The following EYS variants were observed in gnomAD, a reference collection of about 807,000 sequenced individuals.
EYS encodes protein eyes shut homolog.
EYS carries 250 observed loss-of-function variants against 282.1 expected under a neutral mutation model. The ratio of observed to expected loss-of-function variants is 0.89; its 90% CI spans 0.80 to 0.98. The LOEUF (loss-of-function observed/expected upper bound fraction) is 0.98, where lower values mean the gene tolerates loss of function less well. Ranked by LOEUF, EYS falls within the 50% of genes least tolerant of loss-of-function variation. The probability of loss-of-function intolerance (pLI) is 0.00; values close to 1 mark genes in which losing one functional copy is unlikely to be tolerated. For synonymous variants in EYS, 1,355 were observed against 1,282.9 expected (o/e 1.06, Z -1.20); for missense variants, 4,016 against 3,709.0 (o/e 1.08, Z -2.15).
chr6:64,755,500 AC>A (rs1772905871), intron 22 of EYS, among the ~76,000 whole-genome samples: 7 of 2,624 alleles, frequency 2.7e-3, no homozygotes, highest in African/African-American at 5.0e-3. Flanking sequence ...ACATACATAC[AC>A]ACACACACAC....
At position 65,565,151 on chromosome 6, in the gene EYS, G is replaced by A. The variant is rs529651737; in HGVS notation, c.-332-69158C>T. Among the ~76,000 whole-genome samples, 4 of 49,550 alleles carry A rather than the reference G, an allele frequency of 8.1e-5. 1 individual carries two copies. The highest frequency in any genetic ancestry group is 1.2e-4 in the Non-Finnish European group (4 of 32,452). 32.5% of individuals were successfully genotyped at this position (49,550 alleles called of 152,430 possible). On this transcript the variant is annotated intron_variant, in intron 2 of 42. Coordinates refer to ENST00000503581, the MANE Select transcript of EYS (RefSeq NM_001142800.2). ...TCCCAGCTACTTGGGAGGCTGAGGC[G>A]GGAGAATGGCGTGAACCCGGGAGGC...
intron 26 of EYS, among the ~76,000 whole-genome samples, chr6:64,536,430 TAC>T (rs1314082883): frequency 6.6e-6 from 1 of 152,270 alleles, no homozygotes; most frequent in African/African-American, 2.4e-5. Context: ...TGACGACAAT[TAC>T]AGGTACTCTC....
intron 2 of EYS, among the ~76,000 whole-genome samples, chr6:65,585,511 T>A (rs1264033052): frequency 6.6e-6 from 1 of 151,944 alleles, no homozygotes; most frequent in Non-Finnish European, 1.5e-5. Context: ...AACTGAATTA[T>A]TATTCATGTA....
chr6:64,008,120 C>T lies in EYS; in HGVS notation c.6726-8937G>A, dbSNP rs1027627572. On this transcript the variant is annotated intron_variant, in intron 33 of 42. Transcript: ENST00000503581. ...TGTTGTATGGTTATCTAAAATTCTT[C>T]ATAGGTCTCTAAGAACTTGCTTGAT... 4.6e-5 allele frequency among the ~76,000 whole-genome samples: 7 copies of T among 152,146 alleles called. No homozygotes were observed. The East Asian group carries it at 1.3e-3, about 29-fold the overall frequency.
intron 20 of EYS, 151 bp downstream of exon 20, chr6:64,822,500 T>G (rs1764927851): frequency 1.6e-6 from 1 of 631,302 alleles, no homozygotes; most frequent in Admixed American, 3.5e-5. Flanking sequence ...TAGCTAAAAC[T>G]GGCAGCATCT....
chr6:65,634,726 T>C (rs1422754161), intron 2 of EYS, among the ~76,000 whole-genome samples: 1 of 152,206 alleles, frequency 6.6e-6, no homozygotes, highest in African/African-American at 2.4e-5. Context: ...CTCTGTCATC[T>C]ACATTCCATA....
intron 5 of EYS, among the ~76,000 whole-genome samples, chr6:65,415,893 T>C (rs922654698): frequency 6.6e-6 from 1 of 152,026 alleles, no homozygotes; most frequent in Non-Finnish European, 1.5e-5. Context: ...AATTAGTGAA[T>C]ATATGAGACC....
chr6:63,854,580 C>G (rs376245803), intron 36 of EYS, among the ~76,000 whole-genome samples: 1 of 152,098 alleles, frequency 6.6e-6, no homozygotes, highest in East Asian at 1.9e-4. Context: ...TGTAACAAAC[C>G]TGCATGTTCT....
chr6:65,490,438 T>C (rs1203455534), intron 5 of EYS, 156 bp downstream of exon 5: 1 of 556,644 alleles, frequency 1.8e-6, no homozygotes, highest in South Asian at 2.7e-5. Context: ...ATTAACCAAA[T>C]TGATTTATTA....
intron 12 of EYS, among the ~76,000 whole-genome samples, chr6:65,129,185 A>C (rs1222151006): frequency 6.6e-6 from 1 of 152,060 alleles, no homozygotes; most frequent in Non-Finnish European, 1.5e-5. Context: ...TTAAATAAAG[A>C]CTTAAATGTA....
intron 16 of EYS, among the ~76,000 whole-genome samples, chr6:64,906,016 C>G (rs1399757218): frequency 6.6e-6 from 1 of 151,092 alleles, no homozygotes; most frequent in African/African-American, 2.4e-5. Context: ...ATTAAATAAT[C>G]TAATTTCTCT....
At chr6:65,572,663 T>C (rs1764519420) in intron 2 of EYS, among the ~76,000 whole-genome samples, 1 of 152,154 alleles carries the variant, frequency 6.6e-6, no homozygotes, top group African/African-American at 2.4e-5. Context: ...AGGTATGTAG[T>C]AGTCAGTACC....
At chr6:63,789,577 A>C in intron 37 of EYS, among the ~76,000 whole-genome samples, 1 of 152,258 alleles carries the variant, frequency 6.6e-6, no homozygotes, top group East Asian at 1.9e-4. Context: ...TTGCTCCGGT[A>C]GCTAACGAGA....
intron 12 of EYS, among the ~76,000 whole-genome samples, chr6:65,090,417 CT>C (rs1301917753): frequency 6.6e-6 from 1 of 152,100 alleles, no homozygotes; most frequent in Non-Finnish European, 1.5e-5. Flanking sequence ...TCAATTAAAA[CT>C]TTTTTCTTTA....
chr6:64,481,238 G>A (rs1776427669), intron 26 of EYS, among the ~76,000 whole-genome samples: 1 of 145,070 alleles, frequency 6.9e-6, no homozygotes, highest in Non-Finnish European at 1.5e-5. Flanking sequence ...ATATGTGTTT[G>A]TATATATACA....
chr6:65,333,509 C>T (rs1221280461), intron 11 of EYS, among the ~76,000 whole-genome samples: 1 of 151,600 alleles, frequency 6.6e-6, no homozygotes, highest in Admixed American at 6.6e-5. Flanking sequence ...GGTTATTCTG[C>T]TGTTGTTGGG....
chr6:65,438,856 T>G (rs1018269565), intron 5 of EYS, among the ~76,000 whole-genome samples: 1 of 152,188 alleles, frequency 6.6e-6, no homozygotes, highest in Non-Finnish European at 1.5e-5. Context: ...CTCTTTAGTT[T>G]AATTAGATCC....
At chr6:65,641,251 A>T (rs2149813595) in intron 1 of EYS, among the ~76,000 whole-genome samples, 2 of 152,358 alleles carry the variant, frequency 1.3e-5, no homozygotes, top group Admixed American at 6.5e-5. Flanking sequence ...TCAGAGAAGC[A>T]AATTCAAAAT....
intron 31 of EYS, among the ~76,000 whole-genome samples, chr6:64,215,099 G>C (rs1765890811): frequency 1.3e-5 from 2 of 151,866 alleles, no homozygotes; most frequent in African/African-American, 4.8e-5. Flanking sequence ...CTAAAATTGA[G>C]ATCAAAATTT....
Sources: allele counts gnomAD v4.1 joint callset (sites outside exome capture counted in the v4.1 genomes callset), GRCh38; gene constraint gnomAD v4.1.1; transcripts MANE v1.5; gene names NCBI Gene and HGNC (gene_info 2026-07-23, HGNC 2026-07-21).